The following RBFOX1 variants were observed in gnomAD, a reference collection of about 807,000 sequenced individuals.
RBFOX1 encodes RNA binding protein fox-1 homolog 1.
RBFOX1 carries 8 observed loss-of-function variants against 57.7 expected under a neutral mutation model. The observed-to-expected ratio is 0.14, with a 90% CI of 0.08 to 0.25. The LOEUF (loss-of-function observed/expected upper bound fraction) is 0.25, where lower values mean the gene tolerates loss of function less well. RBFOX1 is among the 10% of genes least tolerant of loss of function. The pLI, the probability that RBFOX1 is intolerant of heterozygous loss-of-function variation, is 1.00. For missense variants in RBFOX1, 611 were observed against 548.5 expected, an observed-to-expected ratio of 1.11 and a Z score of -1.14; for synonymous variants, 326 against 222.4, an observed-to-expected ratio of 1.47 and a Z score of -4.15.
chr16:7,151,042 C>T (rs2076006903), intron 4 of RBFOX1, among the ~76,000 whole-genome samples: 1 of 152,106 alleles, frequency 6.6e-6, no homozygotes. Context: ...TTTGTGGTAG[C>T]ACAGAAGTTC....
At chr16:6,956,269 T>A (rs143795033) in intron 3 of RBFOX1, among the ~76,000 whole-genome samples, 174 of 152,246 alleles carry the variant, frequency 1.1e-3, no homozygotes, top group African/African-American at 4.0e-3. Context: ...CACAAAGAGC[T>A]GGGTGAAGAG....
At chr16:7,150,895 C>G (rs1012962836) in intron 4 of RBFOX1, among the ~76,000 whole-genome samples, 1 of 152,164 alleles carries the variant, frequency 6.6e-6, no homozygotes, top group Non-Finnish European at 1.5e-5. Flanking sequence ...GGTAGTTCCC[C>G]TATTATTAGG....
intron 1 of RBFOX1, among the ~76,000 whole-genome samples, chr16:5,279,102 T>G (rs1431009589): frequency 4.0e-5 from 6 of 150,076 alleles, no homozygotes; most frequent in African/African-American, 7.5e-5. Context: ...AATTTCAGGG[T>G]TTTTTTTTCC....
chr16:5,507,837 C>T (rs753430083), intron 2 of RBFOX1, among the ~76,000 whole-genome samples: 18 of 152,302 alleles, frequency 1.2e-4, no homozygotes, highest in East Asian at 3.9e-4. Flanking sequence ...GCTGGGAAGA[C>T]GCAAGGAGGG....
chr16:7,363,147 T>C (rs1568422200), intron 4 of RBFOX1, among the ~76,000 whole-genome samples: 1 of 152,128 alleles, frequency 6.6e-6, no homozygotes, highest in Admixed American at 6.5e-5. Context: ...TTGTTGCTAT[T>C]TTCATTATGA....
intron 1 of RBFOX1, among the ~76,000 whole-genome samples, chr16:5,408,920 C>T (rs542546920): frequency 4.6e-5 from 7 of 152,320 alleles, no homozygotes; most frequent in South Asian, 2.1e-4. Context: ...AATCCGCCCC[C>T]GTGATCCGTT....
intron 4 of RBFOX1, among the ~76,000 whole-genome samples, chr16:7,338,387 T>C (rs560837981): frequency 6.6e-6 from 1 of 152,136 alleles, no homozygotes; most frequent in South Asian, 2.1e-4. Context: ...AACCCTATAC[T>C]CCATGTTTTT....
At chr16:5,806,134 T>A (rs1249153917) in intron 3 of RBFOX1, among the ~76,000 whole-genome samples, 1 of 152,188 alleles carries the variant, frequency 6.6e-6, no homozygotes, top group Non-Finnish European at 1.5e-5. Context: ...CTGCCTTCCC[T>A]GTTACCTACA....
intron 4 of RBFOX1, chr16:7,332,837 C>T (rs1032840652): frequency 3.5e-6 from 5 of 1,439,508 alleles, no homozygotes; most frequent in African/African-American, 1.4e-5. Context: ...GTTGCTGATG[C>T]GGATTTTCTT....
At chr16:6,827,808 G>T (rs559535305) in intron 3 of RBFOX1, among the ~76,000 whole-genome samples, 2 of 152,142 alleles carry the variant, frequency 1.3e-5, no homozygotes, top group Admixed American at 6.5e-5. Context: ...GGTCAGCTTC[G>T]CTTCTGCAGG....
chr16:7,006,047 T>A (rs548649246), intron 3 of RBFOX1, among the ~76,000 whole-genome samples: 2 of 152,216 alleles, frequency 1.3e-5, no homozygotes, highest in Non-Finnish European at 2.9e-5. Flanking sequence ...CCTCATGGTA[T>A]ATGTTCTCCT....
At chr16:7,284,661 A>C (rs560142099) in intron 4 of RBFOX1, among the ~76,000 whole-genome samples, 49 of 152,314 alleles carry the variant, frequency 3.2e-4, no homozygotes, top group Admixed American at 1.4e-3. Flanking sequence ...GTTTTTTAAG[A>C]GAGGCAGAGG....
At chr16:6,145,906 T>G (rs562401347) in intron 1 of RBFOX1, among the ~76,000 whole-genome samples, 8 of 151,730 alleles carry the variant, frequency 5.3e-5, no homozygotes, top group East Asian at 1.9e-4. Context: ...GTATTTTGAC[T>G]GATTTTTCAC....
intron 3 of RBFOX1, among the ~76,000 whole-genome samples, chr16:6,831,739 G>A (rs1298637692): frequency 1.3e-5 from 2 of 152,146 alleles, no homozygotes; most frequent in Non-Finnish European, 2.9e-5. Flanking sequence ...GAGAAGAGCT[G>A]GATCTTTGGG....
At chr16:6,391,526 A>G (rs1022669317) in intron 2 of RBFOX1, among the ~76,000 whole-genome samples, 10 of 148,194 alleles carry the variant, frequency 6.7e-5, no homozygotes, top group African/African-American at 2.6e-4. Context: ...AAAAAAAAAG[A>G]AAAAAAAGTA....
chr16:6,765,573 A>G (rs1412099584), intron 3 of RBFOX1, among the ~76,000 whole-genome samples: 1 of 152,194 alleles, frequency 6.6e-6, no homozygotes, highest in Non-Finnish European at 1.5e-5. Flanking sequence ...TACAACCTCT[A>G]TGGAAAACAG....
chr16:7,251,201 A>G (rs1002502499), intron 4 of RBFOX1, among the ~76,000 whole-genome samples: 6 of 152,012 alleles, frequency 3.9e-5, no homozygotes, highest in Non-Finnish European at 7.4e-5. Context: ...TGGTAAGCAA[A>G]CTTCTATTCC....
chr16:5,459,736 C>A (rs917583099), intron 1 of RBFOX1, among the ~76,000 whole-genome samples: 7 of 152,136 alleles, frequency 4.6e-5, no homozygotes, highest in African/African-American at 1.7e-4. Context: ...TGCACGCACA[C>A]ACACGCTCAC....
chr16:6,685,530 C>T (rs79354307), intron 3 of RBFOX1, among the ~76,000 whole-genome samples: 8,235 of 150,546 alleles, frequency 0.055, 592 homozygotes, highest in East Asian at 0.37. Flanking sequence ...TCCGGTGATC[C>T]GCGTTCCTCA....
Sources: allele counts gnomAD v4.1 joint callset (sites outside exome capture counted in the v4.1 genomes callset), GRCh38; gene constraint gnomAD v4.1.1; transcripts MANE v1.5; gene names NCBI Gene and HGNC (gene_info 2026-07-23, HGNC 2026-07-21).